MACROD2: variants seen among roughly 807,000 people sequenced by gnomAD.
MACROD2 encodes ADP-ribose glycohydrolase MACROD2.
MACROD2 carries 36 observed loss-of-function variants against 70.4 expected under a neutral mutation model. That is an observed-to-expected ratio of 0.51 (90% CI 0.39 to 0.68). The LOEUF (loss-of-function observed/expected upper bound fraction) is 0.68. Among genes scored for constraint, MACROD2 ranks in the 30% least tolerant of loss-of-function variants. MACROD2 has a pLI of 0.00. For missense variants in MACROD2, 496 were observed against 538.4 expected (o/e 0.92, Z 0.78); for synonymous variants, 172 against 178.8 (o/e 0.96, Z 0.30).
chr20:15,455,509 T>G (rs1299526738), intron 7 of MACROD2, among the ~76,000 whole-genome samples: 1 of 152,208 alleles, frequency 6.6e-6, no homozygotes, highest in Non-Finnish European at 1.5e-5. Context: ...GTGTGATTTA[T>G]GTACATACCC....
chr20:14,799,002 A>C (rs1204016251), intron 5 of MACROD2, among the ~76,000 whole-genome samples: 1 of 152,016 alleles, frequency 6.6e-6, no homozygotes, highest in African/African-American at 2.4e-5. Context: ...GTGAATATAT[A>C]TTGAAATGTA....
chr20:15,850,505 C>G (rs1405474575), intron 8 of MACROD2, among the ~76,000 whole-genome samples: 1 of 152,228 alleles, frequency 6.6e-6, no homozygotes, highest in Non-Finnish European at 1.5e-5. Flanking sequence ...TGCCACACCT[C>G]CAGACTGTGT....
chr20:14,684,190 T>C (rs369599719), intron 4 of MACROD2, among the ~76,000 whole-genome samples: 2 of 152,184 alleles, frequency 1.3e-5, no homozygotes, highest in Non-Finnish European at 2.9e-5. Flanking sequence ...GGTGGTCTTA[T>C]GGGTGTTAAG....
chr20:15,578,741 T>G (rs2048483949), intron 8 of MACROD2, among the ~76,000 whole-genome samples: 1 of 67,984 alleles, frequency 1.5e-5, no homozygotes, highest in African/African-American at 3.3e-5. Flanking sequence ...TGTATGCAGT[T>G]TCAGAAAATC....
intron 5 of MACROD2, among the ~76,000 whole-genome samples, chr20:15,117,537 C>T (rs1435095590): frequency 6.6e-6 from 1 of 151,984 alleles, no homozygotes; most frequent in African/African-American, 2.4e-5. Flanking sequence ...CAATCCTTGA[C>T]TTTTTTGTCA....
rs1332849828 is a variant in MACROD2, at chr20:15,441,646, G to A, written c.571+10211G>A. On this transcript the variant is annotated intron_variant, in intron 7 of 17. Transcript: ENST00000684519. ...GAAAACAAAAATTAAAAATAATTAA[G>A]TGATTCAAAAAGTAATAAAGATCAC... Among the ~76,000 whole-genome samples the A allele has an allele frequency of 4.6e-5, 7 of 152,140 alleles. No homozygotes were observed. In the South Asian group the frequency reaches 1.2e-3, roughly 27 times the overall value.
At chr20:14,879,545 A>G (rs538456180) in intron 5 of MACROD2, among the ~76,000 whole-genome samples, 1 of 152,322 alleles carries the variant, frequency 6.6e-6, no homozygotes, top group East Asian at 1.9e-4. Flanking sequence ...GAGGTGAAAT[A>G]CTGTAATAAT....
At chr20:15,451,479 C>T (rs906417558) in intron 7 of MACROD2, among the ~76,000 whole-genome samples, 4 of 133,142 alleles carry the variant, frequency 3.0e-5, no homozygotes, top group African/African-American at 8.2e-5. Flanking sequence ...CTTTGAAATA[C>T]ACTCGAGAAT....
intron 3 of MACROD2, among the ~76,000 whole-genome samples, chr20:14,392,348 C>G (rs1162244985): frequency 6.6e-6 from 1 of 151,950 alleles, no homozygotes; most frequent in African/African-American, 2.4e-5. Context: ...CATAATATCA[C>G]TTGTATGTGT....
intron 9 of MACROD2, among the ~76,000 whole-genome samples, chr20:15,869,230 T>G (rs1438885240): frequency 0.017 from 652 of 37,650 alleles, 10 homozygotes; most frequent in African/African-American, 0.031. Context: ...TATATATATA[T>G]ATATATATAG....
intron 11 of MACROD2, among the ~76,000 whole-genome samples, chr20:15,936,671 G>GTGTA (rs1555797416): frequency 1.2e-4 from 17 of 143,272 alleles, no homozygotes; most frequent in South Asian, 4.5e-4. Context: ...GTATATGTGT[G>GTGTA]TATATATATA....
At chr20:15,849,606 A>G (rs2064273926) in intron 8 of MACROD2, among the ~76,000 whole-genome samples, 1 of 152,208 alleles carries the variant, frequency 6.6e-6, no homozygotes, top group African/African-American at 2.4e-5. Context: ...TTTATAAAGC[A>G]CTATCCTCCC....
intron 6 of MACROD2, among the ~76,000 whole-genome samples, chr20:15,265,535 T>C (rs2146054250): frequency 6.6e-6 from 1 of 152,314 alleles, no homozygotes; most frequent in South Asian, 2.1e-4. Context: ...TCATTTTTTT[T>C]CGATGTAACT....
At chr20:15,599,607 G>A (rs547398203) in intron 8 of MACROD2, among the ~76,000 whole-genome samples, 2 of 152,138 alleles carry the variant, frequency 1.3e-5, no homozygotes, top group Non-Finnish European at 2.9e-5. Context: ...AACTCCTAAT[G>A]AGAACCAAAT....
chr20:15,061,477 T>G (rs2075532507), intron 5 of MACROD2, among the ~76,000 whole-genome samples: 2 of 152,284 alleles, frequency 1.3e-5, no homozygotes, highest in South Asian at 4.1e-4. Flanking sequence ...ATGCACGTGA[T>G]AATGCACCCT....
intron 5 of MACROD2, among the ~76,000 whole-genome samples, chr20:15,168,397 C>T (rs1357880241): frequency 2.0e-5 from 3 of 150,568 alleles, no homozygotes; most frequent in East Asian, 2.0e-4. Flanking sequence ...AAAAGTTTGC[C>T]GACATGGTCA....
intron 3 of MACROD2, among the ~76,000 whole-genome samples, chr20:14,280,762 C>T (rs370549205): frequency 4.6e-5 from 7 of 152,154 alleles, no homozygotes; most frequent in African/African-American, 1.7e-4. Flanking sequence ...TATCATGACA[C>T]CGACCCTCTT....
At chr20:15,149,268 G>A (rs1168358444) in intron 5 of MACROD2, among the ~76,000 whole-genome samples, 1 of 152,038 alleles carries the variant, frequency 6.6e-6, no homozygotes, top group Non-Finnish European at 1.5e-5. Context: ...CGATGCAAAG[G>A]AAATGAGAGG....
intron 3 of MACROD2, among the ~76,000 whole-genome samples, chr20:14,270,823 C>T (rs1052843412): frequency 6.6e-5 from 10 of 152,134 alleles, no homozygotes; most frequent in East Asian, 3.9e-4. Context: ...TAAAAAATGG[C>T]GCACCAGGAG....
Sources: allele counts gnomAD v4.1 joint callset (sites outside exome capture counted in the v4.1 genomes callset), GRCh38; gene constraint gnomAD v4.1.1; transcripts MANE v1.5; gene names NCBI Gene and HGNC (gene_info 2026-07-23, HGNC 2026-07-21).